FGD5: variants seen among roughly 807,000 people sequenced by gnomAD.
FGD5 encodes FYVE, RhoGEF and PH domain containing 5.
Under a neutral mutation model 133.4 loss-of-function variants are expected in FGD5, and 28 were observed. That is an observed-to-expected ratio of 0.21 (90% CI 0.16 to 0.29). FGD5 has a LOEUF of 0.29. FGD5 is among the 10% of genes least tolerant of loss of function. The pLI, the probability that FGD5 is intolerant of heterozygous loss-of-function variation, is 1.00. For synonymous variants in FGD5, 810 were observed against 776.5 expected, an observed-to-expected ratio of 1.04 and a Z score of -0.72; for missense variants, 1,858 against 1,895.2, an observed-to-expected ratio of 0.98 and a Z score of 0.36.
chr3:14,831,146 G>T (rs560858479), intron 1 of FGD5, among the ~76,000 whole-genome samples: 1 of 152,244 alleles, frequency 6.6e-6, no homozygotes, highest in South Asian at 2.1e-4. Context: ...GCTGAGGCTG[G>T]AGGCCTTTGT....
rs778705390 is a variant in FGD5 at position 14,924,032 on chromosome 3, C to T, written c.3962C>T (p.Pro1321Leu). Residue 1321 changes from proline (P) to leucine (L), a missense_variant, in exon 17 of 20, where the codon CCG (proline) becomes CTG (leucine). By Grantham distance (98) the Pro-to-Leu change is moderately conservative. This residue lies in a region of FGD5 where 1,824 missense variants were observed against 1,848.9 expected (regional missense o/e 0.99). Transcript: ENST00000285046. ...MRERPVSMSF[P>L]LSSPRFSGSA... ...GAGCGGCCTGTGAGCATGAGCTTCC[C>T]GCTGTCTTCACCCCGCTTCTCGGGC... 13 of 1,613,880 alleles carry T rather than the reference C, an allele frequency of 8.1e-6. No homozygotes were observed. The highest frequency in any genetic ancestry group is 1.3e-5 in the African/African-American group (1 of 74,924).
At chr3:14,831,925 G>T (rs763998418) in intron 1 of FGD5, among the ~76,000 whole-genome samples, 3 of 152,194 alleles carry the variant, frequency 2.0e-5, no homozygotes, top group Non-Finnish European at 2.9e-5. Context: ...CAGTGGCTCA[G>T]TGCAGAATAA....
intron 11 of FGD5, among the ~76,000 whole-genome samples, chr3:14,914,272 G>T (rs1167161625): frequency 6.6e-6 from 1 of 152,198 alleles, no homozygotes. Flanking sequence ...GCATCTGGGC[G>T]CCCACGCCCA....
At chr3:14,884,802 A>G (rs2037892850) in intron 4 of FGD5, among the ~76,000 whole-genome samples, 1 of 152,180 alleles carries the variant, frequency 6.6e-6, no homozygotes, top group Non-Finnish European at 1.5e-5. Context: ...GGAAGTGACC[A>G]ACTCAGCATT....
At chr3:14,923,498 T>C (rs1030254756) in intron 16 of FGD5, 1 of 364,350 alleles carries the variant, frequency 2.7e-6, no homozygotes. Context: ...GGCCTGTGCC[T>C]GTAGCGCCTT....
At chr3:14,838,821 G>C (rs2036865058) in intron 1 of FGD5, among the ~76,000 whole-genome samples, 1 of 152,196 alleles carries the variant, frequency 6.6e-6, no homozygotes, top group African/African-American at 2.4e-5. Flanking sequence ...AGATGACATT[G>C]CTGGGGCCTC....
intron 1 of FGD5, among the ~76,000 whole-genome samples, chr3:14,839,833 T>G (rs1459997243): frequency 6.6e-6 from 1 of 152,074 alleles, no homozygotes; most frequent in Non-Finnish European, 1.5e-5. Flanking sequence ...CTCAGGAGGC[T>G]GAGGCAGGAG....
chr3:14,864,006 T>A, intron 1 of FGD5, 122 bp from the exon 2 acceptor site: 1 of 1,408,526 alleles, frequency 7.1e-7, no homozygotes, highest in Non-Finnish European at 9.6e-7. Flanking sequence ...GAAGTAGGAA[T>A]TTTGTGCCTG....
chr3:14,860,994 A>G (rs899285224), intron 1 of FGD5, among the ~76,000 whole-genome samples: 3 of 152,140 alleles, frequency 2.0e-5, no homozygotes, highest in African/African-American at 7.2e-5. Context: ...ATAATAATAC[A>G]TTTAAAAATA....
At chr3:14,811,180 A>G (rs1177694236) in intron 1 of FGD5, among the ~76,000 whole-genome samples, 2 of 152,092 alleles carry the variant, frequency 1.3e-5, no homozygotes, top group Non-Finnish European at 2.9e-5. Context: ...CACGACGAAG[A>G]AAGACGCCCC....
At chr3:14,815,888 C>T (rs1324069816), upstream of FGD5, among the ~76,000 whole-genome samples, 1 of 152,216 alleles carries the variant, frequency 6.6e-6, no homozygotes, top group Non-Finnish European at 1.5e-5. Flanking sequence ...CCACACCAGC[C>T]ACTCACCCTC....
chr3:14,900,363 C>T (rs574871528), intron 7 of FGD5, 40 bp from the exon 8 acceptor site: 2 of 1,605,886 alleles, frequency 1.2e-6, no homozygotes, highest in African/African-American at 2.7e-5. Flanking sequence ...AGGGGCTGAC[C>T]TCACCAGTAG....
intron 10 of FGD5, among the ~76,000 whole-genome samples, chr3:14,909,337 A>G (rs2038402531): frequency 6.6e-6 from 1 of 152,256 alleles, no homozygotes; most frequent in Non-Finnish European, 1.5e-5. Context: ...TAAAATAGGC[A>G]CTACGAACAT....
Position 14,922,536 on chromosome 3 carries a change from C to G in FGD5, c.3795C>G (p.His1265Gln), listed in dbSNP as rs149798859. The change falls in exon 15 of 20, where the codon CAC (histidine) becomes CAG (glutamine). Residue 1265 changes from histidine to glutamine, a missense_variant. By Grantham distance (24) the His-to-Gln change is conservative. Coordinates refer to ENST00000285046, the MANE Select transcript of FGD5 (RefSeq NM_152536.4). The surrounding 1 kb of genome is among the most constrained non-coding windows in gnomAD (Gnocchi z 4.1). ...FSLTLRRHHC[H>Q]ACGKIVCRNC... ...TCACCCTGCGGCGTCATCACTGTCACGCCTGTGGCAAGGTGAGTCGCTGCA... is the reference window on the plus strand; with the variant it reads ...TCACCCTGCGGCGTCATCACTGTCAGGCCTGTGGCAAGGTGAGTCGCTGCA... The G allele has an allele frequency of 1.9e-6, 3 of 1,581,242 alleles. No homozygotes were observed. Among genetic ancestry groups the G allele is most frequent in the South Asian group, 1.2e-5 (1 of 86,290 alleles).
intron 1 of FGD5, among the ~76,000 whole-genome samples, chr3:14,860,887 G>A (rs2037384969): frequency 6.6e-6 from 1 of 152,118 alleles, no homozygotes; most frequent in Non-Finnish European, 1.5e-5. Context: ...GCTGTGGCGG[G>A]AGGATTGCTT....
chr3:14,912,086 CA>C (rs763231857), intron 11 of FGD5, among the ~76,000 whole-genome samples: 19 of 152,028 alleles, frequency 1.2e-4, no homozygotes, highest in Admixed American at 3.3e-4. Context: ...TGTCTGCAGC[CA>C]GACCCTTCTG....
At chr3:14,842,722 G>GTGGC (rs751564344) in intron 1 of FGD5, among the ~76,000 whole-genome samples, 1 of 152,304 alleles carries the variant, frequency 6.6e-6, no homozygotes, top group Non-Finnish European at 1.5e-5. Flanking sequence ...TTCCCTGTTG[G>GTGGC]TGGCTGTGTG....
chr3:14,848,446 A>C (rs1457715355), intron 1 of FGD5, among the ~76,000 whole-genome samples: 1 of 152,004 alleles, frequency 6.6e-6, no homozygotes, highest in East Asian at 1.9e-4. Flanking sequence ...TTAACACCGC[A>C]GGGCTCACTG....
intron 1 of FGD5, among the ~76,000 whole-genome samples, chr3:14,813,789 G>GCTCCCCATCCAGTGCTCCTCC (rs2036331348): frequency 6.7e-6 from 1 of 150,308 alleles, no homozygotes; most frequent in Admixed American, 6.6e-5. Context: ...AGTGCTCCTG[G>GCTCCCCATCCAGTGCTCCTCC]CTCCCCATCC....
Sources: gnomAD v4.1 joint callset for allele counts (sites outside exome capture counted in the v4.1 genomes callset) on GRCh38, gnomAD v4.1.1 for gene constraint, gnomAD v4.1.1 regional missense constraint, Gnocchi (gnomAD v3.1) non-coding constraint, MANE v1.5 for transcripts, NCBI Gene and HGNC (gene_info 2026-07-23, HGNC 2026-07-21) for gene names.